Variants in SGPP1 observed in about 807,000 individuals in gnomAD.
The protein encoded by SGPP1 is hSPP1.
SGPP1 carries 21 observed loss-of-function variants against 33.0 expected under a neutral mutation model. The observed-to-expected ratio is 0.64, with a 90% CI of 0.45 to 0.92. The LOEUF is 0.92. SGPP1 is among the 40% of genes least tolerant of loss of function. The pLI, the probability that SGPP1 is intolerant of heterozygous loss-of-function variation, is 0.00. For missense variants in SGPP1, 543 were observed against 589.4 expected, an observed-to-expected ratio of 0.92 and a Z score of 0.81; for synonymous variants, 239 against 241.2, an observed-to-expected ratio of 0.99 and a Z score of 0.08.
At chr14:63,725,348 T>C (rs1047307725) in intron 1 of SGPP1, among the ~76,000 whole-genome samples, 3 of 152,240 alleles carry the variant, frequency 2.0e-5, no homozygotes, top group Non-Finnish European at 4.4e-5. Flanking sequence ...CACTCCAGCC[T>C]GGGCAACAGA....
chr14:63,716,487 C>CA (rs1428493326), intron 1 of SGPP1, among the ~76,000 whole-genome samples: 1 of 151,800 alleles, frequency 6.6e-6, no homozygotes, highest in Non-Finnish European at 1.5e-5. Context: ...GAGCAAGACT[C>CA]AGTCTCAAAA....
intron 1 of SGPP1, among the ~76,000 whole-genome samples, chr14:63,719,428 T>G (rs1375646432): frequency 6.6e-6 from 1 of 152,086 alleles, no homozygotes; most frequent in South Asian, 2.1e-4. Context: ...CCAGGATGAA[T>G]GTAAATTAGT....
At position 63,693,546 on chromosome 14, in the gene SGPP1, C is replaced by T. The variant is rs574599028; in HGVS notation, c.774+5023G>A. On this transcript the variant is annotated intron_variant, in intron 2 of 2. Coordinates refer to ENST00000247225, the MANE Select transcript of SGPP1 (RefSeq NM_030791.4). Reference sequence around the variant, plus strand: ...AACTGATAAGCTATTTATATAAAGCCATACATATTTACTCTAAGGTTAAGT... The same window carrying T: ...AACTGATAAGCTATTTATATAAAGCTATACATATTTACTCTAAGGTTAAGT... 3.2e-4 allele frequency among the ~76,000 whole-genome samples: 49 copies of T among 152,222 alleles called. No individual in the cohort carries two copies. In the South Asian group the frequency reaches 9.3e-3, roughly 29 times the overall value.
chr14:63,722,575 A>G (rs1449111473), intron 1 of SGPP1, among the ~76,000 whole-genome samples: 1 of 145,904 alleles, frequency 6.9e-6, no homozygotes, highest in Non-Finnish European at 1.5e-5. Context: ...ATGCTATAAC[A>G]TTATTATTAT....
chr14:63,718,804 AT>A (rs1239858415), intron 1 of SGPP1, among the ~76,000 whole-genome samples: 1 of 151,124 alleles, frequency 6.6e-6, no homozygotes, highest in Non-Finnish European at 1.5e-5. Flanking sequence ...GTGAAAAAAA[AT>A]AAAAGAAATG....
chr14:63,701,438 A>G (rs1388317143), intron 1 of SGPP1, among the ~76,000 whole-genome samples: 7 of 152,118 alleles, frequency 4.6e-5, no homozygotes, highest in African/African-American at 1.2e-4. Context: ...TAAATAGAAG[A>G]TAGTGTAGGC....
At chr14:63,725,342 C>T (rs908288595) in intron 1 of SGPP1, among the ~76,000 whole-genome samples, 2 of 152,220 alleles carry the variant, frequency 1.3e-5, no homozygotes, top group African/African-American at 4.8e-5. Flanking sequence ...CCACTGCACT[C>T]CAGCCTGGGC....
At position 63,727,753 on chromosome 14, in the gene SGPP1, T is replaced by C; in HGVS notation, c.192A>G (p.Gly64=). 6.7e-7 allele frequency: 1 copy of C among 1,484,422 alleles called. No individual in the cohort carries two copies. Among genetic ancestry groups the C allele is most frequent in the Non-Finnish European group, 8.9e-7 (1 of 1,124,318 alleles). The allele number at this position is 1,484,422 out of a possible 1,614,324, so 92.0% of individuals were successfully genotyped here. Residue 64 remains glycine, a synonymous_variant, in exon 1 of 3, where the codon GGA becomes GGG. Coordinates refer to ENST00000247225, the MANE Select transcript of SGPP1 (RefSeq NM_030791.4). ...GGTCGCTCCCGGGAGGCTGGGGGCC[T>C]CCAGGCGCCCCTGGCTGCCGCCCTC... The part of the protein sequence containing the change: ...RLRGRQPGAP[G]GPQPPGSDRN...
chr14:63,715,950 G>A (rs1372783747), intron 1 of SGPP1, among the ~76,000 whole-genome samples: 1 of 152,114 alleles, frequency 6.6e-6, no homozygotes, highest in African/African-American at 2.4e-5. Flanking sequence ...AAGTAGTGAA[G>A]CTAAATTAGC....
In SGPP1 at chr14:63,718,418, T is replaced by C. The variant is rs117627487; in HGVS notation, c.684+8843A>G. On this transcript the variant is annotated intron_variant, in intron 1 of 2. Transcript: ENST00000247225. The stretch of plus-strand genomic sequence containing the variant: ...GGAAATGTTATCACCAGCAGATCTA[T>C]AGTAGAAAAAATGTGAAAAGAGGCT... Among the ~76,000 whole-genome samples the C allele has an allele frequency of 7.6e-4, 116 of 152,236 alleles. 2 individuals are homozygous for C. The East Asian group carries it at 0.013, about 17-fold the overall frequency.
intron 1 of SGPP1, among the ~76,000 whole-genome samples, chr14:63,726,487 T>G (rs1595075726): frequency 6.6e-6 from 1 of 152,220 alleles, no homozygotes; most frequent in East Asian, 1.9e-4. Context: ...CTGACCCTGC[T>G]GTCATATTTG....
Position 63,727,951 on chromosome 14 carries a change from G to A in SGPP1, c.-7C>T, listed in dbSNP as rs1179618027. The A allele has an allele frequency of 6.5e-7, 1 of 1,541,622 alleles. No homozygotes were observed. Among genetic ancestry groups the A allele is most frequent in the South Asian group, 1.2e-5 (1 of 85,316 alleles). ...GGCGCTGCCTCAGCGACATGATAACGGAACCCCCGGGAAGGCGGGCCGGCC... is the reference window on the plus strand; with the variant it reads ...GGCGCTGCCTCAGCGACATGATAACAGAACCCCCGGGAAGGCGGGCCGGCC... On this transcript the variant is annotated 5_prime_UTR_variant, in exon 1 of 3. Coordinates refer to ENST00000247225, the MANE Select transcript of SGPP1 (RefSeq NM_030791.4).
At chr14:63,688,948 C>T (rs1212186536) in intron 2 of SGPP1, among the ~76,000 whole-genome samples, 1 of 152,122 alleles carries the variant, frequency 6.6e-6, no homozygotes, top group East Asian at 1.9e-4. Context: ...GTCTCTATCT[C>T]CTGACCTCGT....
At chr14:63,688,315 CAAAAA>C (rs71120275) in intron 2 of SGPP1, among the ~76,000 whole-genome samples, 2,330 of 31,084 alleles carry the variant, frequency 0.075, 23 homozygotes, top group African/African-American at 0.21. Context: ...GACTCTGTCT[CAAAAA>C]AAAAAAAAAA....
chr14:63,720,691 C>T (rs529373060), intron 1 of SGPP1, among the ~76,000 whole-genome samples: 1 of 152,036 alleles, frequency 6.6e-6, no homozygotes, highest in African/African-American at 2.4e-5. Context: ...ACCTGGGAGC[C>T]GGAGGTTGCG....
At chr14:63,701,386 G>A (rs1885296217) in intron 1 of SGPP1, among the ~76,000 whole-genome samples, 2 of 152,120 alleles carry the variant, frequency 1.3e-5, no homozygotes, top group African/African-American at 2.4e-5. Context: ...TATAAAAATA[G>A]GGTCATGAGT....
rs114653374 is a variant in SGPP1, at chr14:63,691,414, C to T, written c.775-4758G>A. On this transcript the variant is annotated intron_variant, in intron 2 of 2. Transcript: ENST00000247225. ...TCTTCTTGTCTTAGAATTATCTTTCCTACCTATATTTCAGGCAAACTATTA... is the reference window on the plus strand; with the variant it reads ...TCTTCTTGTCTTAGAATTATCTTTCTTACCTATATTTCAGGCAAACTATTA... Among the ~76,000 whole-genome samples, 893 of 152,242 alleles carry T rather than the reference C, an allele frequency of 5.9e-3. 6 individuals carry two copies. Among genetic ancestry groups the T allele is most frequent in the African/African-American group, 0.02 (850 of 41,540 alleles).
chr14:63,721,786 A>C (rs540734092), intron 1 of SGPP1, among the ~76,000 whole-genome samples: 2 of 152,240 alleles, frequency 1.3e-5, no homozygotes, highest in South Asian at 4.1e-4. Context: ...TGTTTATCAA[A>C]TTTTTTATTT....
chr14:63,720,137 A>C (rs906602056), intron 1 of SGPP1, among the ~76,000 whole-genome samples: 1 of 151,298 alleles, frequency 6.6e-6, no homozygotes, highest in South Asian at 2.1e-4. Flanking sequence ...AAAAAAAAAA[A>C]AAAAAACATG....
Sources: allele counts gnomAD v4.1 joint callset (sites outside exome capture counted in the v4.1 genomes callset), GRCh38; gene constraint gnomAD v4.1.1; transcripts MANE v1.5; gene names NCBI Gene and HGNC (gene_info 2026-07-23, HGNC 2026-07-21).